Variants in MPO observed in about 807,000 individuals in gnomAD.
The protein encoded by MPO is myeloperoxidase.
A neutral mutation model predicts 69.4 loss-of-function variants in MPO; 57 were observed. The observed-to-expected ratio is 0.82, with a 90% CI of 0.66 to 1.02. The LOEUF (loss-of-function observed/expected upper bound fraction) is 1.02. MPO is among the 50% of genes least tolerant of loss of function. The pLI is 0.00. For synonymous variants in MPO, 426 were observed against 417.1 expected (o/e 1.02, Z -0.26); for missense variants, 971 against 1,014.1 (o/e 0.96, Z 0.58).
chr17:58,278,905 C>T (rs1970473916), intron 6 of MPO, 103 bp downstream of exon 6: 1 of 1,381,368 alleles, frequency 7.2e-7, no homozygotes, highest in African/African-American at 1.4e-5. Flanking sequence ...GCCAGCCTTC[C>T]TCAGCGTCTG....
rs749111097 is a variant in MPO, at chr17:58,272,921, G to A, written c.1622-3C>T. 1.9e-6 allele frequency: 3 copies of A among 1,613,852 alleles called. No individual in the cohort carries two copies. Among genetic ancestry groups the A allele is most frequent in the South Asian group, 2.2e-5 (2 of 91,082 alleles). On this transcript the variant is annotated splice_region_variant and splice_polypyrimidine_tract_variant and intron_variant, in intron 9 of 11. Coordinates refer to ENST00000225275, the MANE Select transcript of MPO (RefSeq NM_000250.2). ...CCGGAGGATGGGGTCAATGCCACCT[G>A]GGGACCAGAGGAGCCAGGTCAGGGG...
Position 58,270,040 on chromosome 17 carries a change from C to A in MPO, c.*616G>T, listed in dbSNP as rs1031558298. On this transcript the variant is annotated 3_prime_UTR_variant, in exon 12 of 12. Coordinates refer to ENST00000225275, the MANE Select transcript of MPO (RefSeq NM_000250.2). This position sits in a 1 kb window ranked among gnomAD's most constrained non-coding sequence, Gnocchi z 4.1. ...TGGCTGGGCCCATAAGTCAACCACA[C>A]AGCCCAGCTGCAGCTGGCTTATCCC... 1 of 155,990 alleles carries A rather than the reference C, an allele frequency of 6.4e-6. No homozygotes were observed. The highest frequency in any genetic ancestry group is 2.4e-5 in the African/African-American group (1 of 41,490). 9.7% of individuals were successfully genotyped at this position (155,990 alleles called of 1,614,324 possible). A position where few individuals can be genotyped will look rare whatever the true frequency, so the allele number is the denominator to read the frequency against.
chr17:58,276,928 A>G (rs1260129024), intron 7 of MPO, among the ~76,000 whole-genome samples: 1 of 152,106 alleles, frequency 6.6e-6, no homozygotes, highest in Non-Finnish European at 1.5e-5. Context: ...CCAACATGGT[A>G]AAACACCATC....
chr17:58,279,440 C>T lies in MPO; in HGVS notation c.549-14G>A. 6.2e-7 allele frequency: 1 copy of T among 1,611,324 alleles called. No individual in the cohort carries two copies. The highest frequency in any genetic ancestry group is 1.1e-5 in the South Asian group (1 of 90,678). On this transcript the variant is annotated splice_polypyrimidine_tract_variant and intron_variant, in intron 4 of 11. Transcript: ENST00000225275. ...GTGGGGCTGCGTCTGCAGGGGAGGA[C>T]AGGGCGCTGACACCGGGAGGCTTGT...
chr17:58,273,552 T>C lies in MPO; in HGVS notation c.1483A>G (p.Thr495Ala), dbSNP rs750195147. The C allele has an allele frequency of 1.2e-6, 2 of 1,614,190 alleles. No individual in the cohort carries two copies. Among genetic ancestry groups the C allele is most frequent in the South Asian group, 2.2e-5 (2 of 91,086 alleles). The change falls in exon 9 of 12, where the codon ACC (threonine) becomes GCC (alanine). Residue 495 changes from threonine to alanine, a missense_variant. Physicochemically the swap from Thr to Ala is moderately conservative, Grantham distance 58. Transcript: ENST00000225275. ...SVDPRIANVF[T>A]NAFRYGHTLI... is the part of the protein sequence containing the mutation. ...GTGTGGCCGTAGCGGAAGGCATTGG[T>C]GAAGACGTTGGCGATGCGTGGGTCC...
In MPO at chr17:58,276,330, C is replaced by T. The variant is rs79873720; in HGVS notation, c.1205-628G>A. Among the ~76,000 whole-genome samples the T allele has an allele frequency of 4.0e-3, 604 of 152,330 alleles. 2 individuals carry two copies. The Middle Eastern group carries it at 0.051, about 13-fold the overall frequency. Reference sequence around the variant, plus strand: ...TGTCAGCCCTGCCCTTTACTACATGCCAATGGTGCAGCCTGCCCCAGGGGA... The same window carrying T: ...TGTCAGCCCTGCCCTTTACTACATGTCAATGGTGCAGCCTGCCCCAGGGGA... On this transcript the variant is annotated intron_variant, in intron 7 of 11. Coordinates refer to ENST00000225275, the MANE Select transcript of MPO (RefSeq NM_000250.2).
intron 11 of MPO, among the ~76,000 whole-genome samples, chr17:58,271,308 A>G (rs895743984): frequency 1.3e-5 from 2 of 152,204 alleles, no homozygotes; most frequent in Non-Finnish European, 2.9e-5. Context: ...CAGGACCACG[A>G]GGAAATGACA....
At chr17:58,278,226 A>T in intron 6 of MPO, 81 bp from the exon 7 acceptor site, 1 of 1,510,862 alleles carries the variant, frequency 6.6e-7, no homozygotes. Context: ...CCCTGCCCTC[A>T]GGACCTCTGG....
At chr17:58,277,022 C>G (rs894692651) in intron 7 of MPO, among the ~76,000 whole-genome samples, 1 of 151,916 alleles carries the variant, frequency 6.6e-6, no homozygotes, top group Admixed American at 6.6e-5. Flanking sequence ...GCAGAAGAAT[C>G]ACTTAAACCC....
intron 11 of MPO, 32 bp downstream of exon 11, chr17:58,271,623 C>G (rs774517618): frequency 1.2e-6 from 2 of 1,605,408 alleles, no homozygotes; most frequent in African/African-American, 2.7e-5. Flanking sequence ...CCCACAGCCA[C>G]CCAGCGGCCC....
intron 7 of MPO, among the ~76,000 whole-genome samples, chr17:58,277,444 T>C (rs1970452664): frequency 6.6e-6 from 1 of 152,208 alleles, no homozygotes. Context: ...GCTACCACAT[T>C]GGATAGTGTC....
At chr17:58,278,347 G>C in intron 6 of MPO, among the ~76,000 whole-genome samples, 1 of 152,168 alleles carries the variant, frequency 6.6e-6, no homozygotes, top group Non-Finnish European at 1.5e-5. Flanking sequence ...ACTGAACTGG[G>C]AACCTGGGCA....
chr17:58,272,937 A>G lies in MPO; in HGVS notation c.1622-19T>C. 2 of 1,613,728 alleles carry G rather than the reference A, an allele frequency of 1.2e-6. No homozygotes were observed. The highest frequency in any genetic ancestry group is 1.7e-6 in the Non-Finnish European group (2 of 1,179,954). ...ATGCCACCTGGGGACCAGAGGAGCC[A>G]GGTCAGGGGAAGTATCTGGCTCAGT... On this transcript the variant is annotated intron_variant, in intron 9 of 11. Transcript: ENST00000225275.
In MPO at chr17:58,273,600, A is replaced by T; in HGVS notation, c.1435T>A (p.Tyr479Asn). 3 of 1,614,230 alleles carry T rather than the reference A, an allele frequency of 1.9e-6. No homozygotes were observed. Among genetic ancestry groups the T allele is most frequent in the Non-Finnish European group, 1.7e-6 (2 of 1,180,028 alleles). Residue 479 changes from tyrosine to asparagine, a missense_variant, in exon 9 of 12, where the codon TAC becomes AAC. Physicochemically the swap from Tyr to Asn is moderately radical, Grantham distance 143. Coordinates refer to ENST00000225275, the MANE Select transcript of MPO (RefSeq NM_000250.2). ...PTAMRKYLPT[Y>N]RSYNDSVDPR... ...TCCACTGAGTCATTGTAGGAACGGT[A>T]CGTGGGCAGGTACTTCCTCATGGCC...
Position 58,273,438 on chromosome 17 carries a change from CA to C in MPO, c.1596del (p.Phe532LeufsTer26), listed in dbSNP as rs1310078520. On this transcript the variant is annotated frameshift_variant, in exon 9 of 12. Coordinates refer to ENST00000225275, the MANE Select transcript of MPO (RefSeq NM_000250.2). LOFTEE classifies it high-confidence loss of function. ...NPRVPLSRVF[F>X]ASWRVVLEGG... ...CCTTCCAGCACGACCCTCCAGGAGGCAAAAAAGACCCTGCTGAGGGGGACAC... is the reference window on the plus strand; with the variant it reads ...CCTTCCAGCACGACCCTCCAGGAGGCAAAAAGACCCTGCTGAGGGGGACAC... The C allele has an allele frequency of 6.2e-7, 1 of 1,614,078 alleles. No individual in the cohort carries two copies.
chr17:58,270,672 C>A lies in MPO; in HGVS notation c.2222G>T (p.Trp741Leu), dbSNP rs1035833511. Reference sequence around the variant, plus strand: ...ACCTGGCCTCTAGGAGGCTTCCCTCCAGGAAGCCAGGTTCAATGCAGGAAG... The same window carrying A: ...ACCTGGCCTCTAGGAGGCTTCCCTCAAGGAAGCCAGGTTCAATGCAGGAAG... ...STLPALNLASWREAS is the reference protein window; with the variant it reads ...STLPALNLASLREAS Residue 741 changes from tryptophan (W) to leucine (L), a missense_variant, in exon 12 of 12, where the codon TGG becomes TTG. By Grantham distance (61) the Trp-to-Leu change is moderately conservative. Coordinates refer to ENST00000225275, the MANE Select transcript of MPO (RefSeq NM_000250.2). This position sits in a 1 kb window ranked among gnomAD's most constrained non-coding sequence, Gnocchi z 4.1. The A allele has an allele frequency of 1.2e-6, 2 of 1,612,440 alleles. No individual in the cohort carries two copies. Among genetic ancestry groups the A allele is most frequent in the Admixed American group, 1.7e-5 (1 of 59,790 alleles).
In MPO at chr17:58,279,618, C is replaced by T; in HGVS notation, c.453G>A (p.Val151=). The change falls in exon 4 of 12, where the codon GTG becomes GTA. Residue 151 remains valine, a synonymous_variant. Coordinates refer to ENST00000225275, the MANE Select transcript of MPO (RefSeq NM_000250.2). ...TDVLTPAQLN[V]LSKSSGCAYQ... The stretch of plus-strand genomic sequence containing the variant: ...AGGCGCAGCCGCTTGACTTGGACAA[C>T]ACATTCAGCTGGGCGGGCGTCAGCA... 3.1e-6 allele frequency: 5 copies of T among 1,614,158 alleles called. No homozygotes were observed. Among genetic ancestry groups the T allele is most frequent in the Non-Finnish European group, 4.2e-6 (5 of 1,180,040 alleles).
chr17:58,275,991 G>T lies in MPO; in HGVS notation c.1205-289C>A, dbSNP rs186375360. ...ATGCCACTTTCCTGTACCTGAAACT[G>T]GGAGCTCCTTGAGCACAGGACCAAG... On this transcript the variant is annotated intron_variant, in intron 7 of 11. Transcript: ENST00000225275. The surrounding 1 kb of genome is among the most constrained non-coding windows in gnomAD (Gnocchi z 4.1). 1.1e-3 allele frequency among the ~76,000 whole-genome samples: 169 copies of T among 152,272 alleles called. No individual in the cohort carries two copies. Among genetic ancestry groups the T allele is most frequent in the African/African-American group, 3.9e-3 (162 of 41,552 alleles).
In MPO at chr17:58,272,871, G is replaced by C; in HGVS notation, c.1669C>G (p.Leu557Val). 6.2e-7 allele frequency: 1 copy of C among 1,614,188 alleles called. No individual in the cohort carries two copies. The highest frequency in any genetic ancestry group is 1.6e-4 in the Middle Eastern group (1 of 6,062). ...ACTGCAATTTGGTTCTGACGATTCA[G>C]CTTGGCAGGGGTGGCCATGAGGCCC... ...LRGLMATPAK[L>V]NRQNQIAVDE... The change falls in exon 10 of 12, where the codon CTG becomes GTG. Residue 557 changes from leucine (L) to valine (V), a missense_variant. Physicochemically the swap from Leu to Val is conservative, Grantham distance 32 (BLOSUM62 1). Coordinates refer to ENST00000225275, the MANE Select transcript of MPO (RefSeq NM_000250.2).
Sources: allele counts gnomAD v4.1 joint callset (sites outside exome capture counted in the v4.1 genomes callset), GRCh38; gene constraint gnomAD v4.1.1; non-coding constraint Gnocchi (gnomAD v3.1); transcripts MANE v1.5; gene names NCBI Gene and HGNC (gene_info 2026-07-23, HGNC 2026-07-21).